Variants in KCNK1 observed in about 807,000 individuals in gnomAD.
KCNK1 encodes potassium channel subfamily K member 1.
Under a neutral mutation model 22.2 loss-of-function variants are expected in KCNK1, and 10 were observed. The observed-to-expected ratio is 0.45, with a 90% CI of 0.28 to 0.76. The LOEUF (loss-of-function observed/expected upper bound fraction) is 0.76, where lower values mean the gene tolerates loss of function less well. Ranked by LOEUF, KCNK1 falls within the 30% of genes least tolerant of loss-of-function variation. The pLI is 0.14. For synonymous variants in KCNK1, 200 were observed against 186.4 expected, an observed-to-expected ratio of 1.07 and a Z score of -0.60; for missense variants, 378 against 421.0, an observed-to-expected ratio of 0.90 and a Z score of 0.89.
In KCNK1 at chr1:233,666,798, C is replaced by T. The variant is rs1558120680; in HGVS notation, c.559C>T (p.Leu187Phe). The part of the protein sequence containing the change: ...QVVAIVHAVL[L>F]GFVTVSCFFF... ...GGTGGCCATCGTCCATGCCGTGCTC[C>T]TTGGGTTTGTCACTGTGTCCTGCTT... The change falls in exon 2 of 3, where the codon CTT (leucine) becomes TTT (phenylalanine). Residue 187 changes from leucine (L) to phenylalanine (F), a missense_variant. Leu to Phe is a conservative substitution (Grantham distance 22, BLOSUM62 0). Transcript: ENST00000366621. 3 of 1,614,222 alleles carry T rather than the reference C, an allele frequency of 1.9e-6. No homozygotes were observed. The highest frequency in any genetic ancestry group is 2.2e-5 in the East Asian group (1 of 44,878).
In KCNK1 at chr1:233,666,607, C is replaced by T. The variant is rs1558120542; in HGVS notation, c.368C>T (p.Thr123Ile). The change falls in exon 2 of 3, where the codon ACC (threonine) becomes ATC (isoleucine). Residue 123 changes from threonine (T) to isoleucine (I), a missense_variant. Coordinates refer to ENST00000366621, the MANE Select transcript of KCNK1 (RefSeq NM_002245.4). The part of the protein sequence containing the change: ...TVLSTTGYGH[T>I]VPLSDGGKAF... ...GTTCTCCTTGCAGGTTATGGCCACACCGTGCCCTTGTCAGATGGAGGTAAG... is the reference window on the plus strand; with the variant it reads ...GTTCTCCTTGCAGGTTATGGCCACATCGTGCCCTTGTCAGATGGAGGTAAG... The T allele has an allele frequency of 6.2e-7, 1 of 1,607,610 alleles. No individual in the cohort carries two copies. Among genetic ancestry groups the T allele is most frequent in the Non-Finnish European group, 8.5e-7 (1 of 1,176,170 alleles).
At chr1:233,648,541 C>T (rs1658142709) in intron 1 of KCNK1, among the ~76,000 whole-genome samples, 1 of 151,504 alleles carries the variant, frequency 6.6e-6, no homozygotes, top group Non-Finnish European at 1.5e-5. Context: ...TAACAAAGGT[C>T]TCTTTCTTTC....
At chr1:233,619,992 T>G (rs1212645663) in intron 1 of KCNK1, among the ~76,000 whole-genome samples, 1 of 152,098 alleles carries the variant, frequency 6.6e-6, no homozygotes, top group Non-Finnish European at 1.5e-5. Flanking sequence ...CTGGACCTAA[T>G]CTAGCCCACC....
At chr1:233,628,659 C>G (rs1228909642) in intron 1 of KCNK1, among the ~76,000 whole-genome samples, 4 of 151,736 alleles carry the variant, frequency 2.6e-5, no homozygotes, top group African/African-American at 9.7e-5. Flanking sequence ...ACTTGGGAGG[C>G]TGAGGTGGAG....
At chr1:233,651,243 G>A (rs1474487502) in intron 1 of KCNK1, among the ~76,000 whole-genome samples, 1 of 152,140 alleles carries the variant, frequency 6.6e-6, no homozygotes, top group East Asian at 1.9e-4. Flanking sequence ...TGCCTGCACA[G>A]CATCTATGCC....
intron 1 of KCNK1, among the ~76,000 whole-genome samples, chr1:233,665,690 G>C (rs2153776): frequency 0.11 from 16,511 of 152,062 alleles, 912 homozygotes; most frequent in South Asian, 0.14. Flanking sequence ...AGTGGGGGCA[G>C]AGCCTTCCCG....
At chr1:233,670,982 T>G (rs1172882854) in intron 2 of KCNK1, among the ~76,000 whole-genome samples, 3 of 152,172 alleles carry the variant, frequency 2.0e-5, no homozygotes, top group South Asian at 2.1e-4. Context: ...TCTTTAATAA[T>G]GCCACATCAG....
In KCNK1 at chr1:233,632,318, A is replaced by T. The variant is rs141001668; in HGVS notation, c.355+17792A>T. On this transcript the variant is annotated intron_variant, in intron 1 of 2. Coordinates refer to ENST00000366621, the MANE Select transcript of KCNK1 (RefSeq NM_002245.4). ...TTTCTCCCTAAAAATGTGAGCTCTA[A>T]TTTGAAGCTAATAAGTTTTGACATG... Among the ~76,000 whole-genome samples, 266 of 152,256 alleles carry T rather than the reference A, an allele frequency of 1.7e-3. 5 individuals are homozygous for T. The East Asian group carries it at 0.042, about 24-fold the overall frequency.
intron 1 of KCNK1, among the ~76,000 whole-genome samples, chr1:233,666,017 C>T (rs1305750282): frequency 6.6e-6 from 1 of 152,206 alleles, no homozygotes; most frequent in Non-Finnish European, 1.5e-5. Context: ...CTTCATTTTT[C>T]TTCCGCTTTT....
chr1:233,625,746 C>A (rs1657678133), intron 1 of KCNK1, among the ~76,000 whole-genome samples: 1 of 152,032 alleles, frequency 6.6e-6, no homozygotes, highest in African/African-American at 2.4e-5. Context: ...CCCGTGAAAG[C>A]CTTACTGAGA....
chr1:233,621,112 C>T (rs567804122), intron 1 of KCNK1, among the ~76,000 whole-genome samples: 92 of 152,308 alleles, frequency 6.0e-4, no homozygotes, highest in African/African-American at 2.1e-3. Context: ...TTGTTATGGG[C>T]CAAATCGTCT....
chr1:233,641,368 T>G (rs1657997015), intron 1 of KCNK1, among the ~76,000 whole-genome samples: 1 of 152,206 alleles, frequency 6.6e-6, no homozygotes, highest in African/African-American at 2.4e-5. Context: ...GTTTCAGGGT[T>G]AGAGATACAG....
At chr1:233,646,616 A>T (rs778976036) in intron 1 of KCNK1, among the ~76,000 whole-genome samples, 6 of 152,042 alleles carry the variant, frequency 3.9e-5, no homozygotes, top group Non-Finnish European at 7.4e-5. Flanking sequence ...GTGAGAGCAG[A>T]TGGAAGGTCT....
intron 2 of KCNK1, among the ~76,000 whole-genome samples, chr1:233,667,717 G>C (rs928122719): frequency 8.9e-6 from 1 of 112,906 alleles, no homozygotes; most frequent in Non-Finnish European, 1.7e-5. Context: ...GCGACAGAGC[G>C]AGACTCCGTC....
chr1:233,666,506 A>G (rs1230546810), intron 1 of KCNK1, 89 bp from the exon 2 acceptor site: 11 of 1,273,202 alleles, frequency 8.6e-6, no homozygotes, highest in Non-Finnish European at 5.4e-6. Flanking sequence ...TGAGGGGAAT[A>G]AGGGCAGATG....
rs766981988 is a variant in KCNK1, at chr1:233,666,998, T to C, written c.751+8T>C. On this transcript the variant is annotated splice_region_variant and intron_variant, in intron 2 of 2. Coordinates refer to ENST00000366621, the MANE Select transcript of KCNK1 (RefSeq NM_002245.4). ...ATAAGATTGGGATCACGTGTGAGTA[T>C]TACAGCTCCCTGGCTGCTCCTTCTG... 1 of 1,570,768 alleles carries C rather than the reference T, an allele frequency of 6.4e-7. No individual in the cohort carries two copies. Among genetic ancestry groups the C allele is most frequent in the Non-Finnish European group, 8.6e-7 (1 of 1,162,854 alleles).
At chr1:233,636,265 T>A in intron 1 of KCNK1, among the ~76,000 whole-genome samples, 1 of 152,198 alleles carries the variant, frequency 6.6e-6, no homozygotes, top group East Asian at 1.9e-4. Context: ...CCTTGTTTTC[T>A]TAGGGTTGCT....
At chr1:233,671,213 G>T in intron 2 of KCNK1, 58 bp from the exon 3 acceptor site, 4 of 1,506,944 alleles carry the variant, frequency 2.7e-6, no homozygotes, top group Non-Finnish European at 1.8e-6. Flanking sequence ...TAAATCACTC[G>T]CTACTTGATT....
intron 1 of KCNK1, chr1:233,624,047 C>T (rs1657642673): frequency 6.5e-6 from 1 of 152,936 alleles, no homozygotes; most frequent in South Asian, 2.1e-4. Context: ...GAGTTGGAGG[C>T]TCCAGTTGTT....
Sources: allele counts gnomAD v4.1 joint callset (sites outside exome capture counted in the v4.1 genomes callset), GRCh38; gene constraint gnomAD v4.1.1; transcripts MANE v1.5; gene names NCBI Gene and HGNC (gene_info 2026-07-23, HGNC 2026-07-21).